LPIN1: variants seen among roughly 807,000 people sequenced by gnomAD.
LPIN1 encodes the protein phosphatidate phosphatase LPIN1.
LPIN1 carries 71 observed loss-of-function variants against 107.5 expected under a neutral mutation model. The ratio of observed to expected loss-of-function variants is 0.66; its 90% confidence interval spans 0.55 to 0.80. The LOEUF is 0.80. LPIN1 is among the 30% of genes least tolerant of loss of function. The probability of loss-of-function intolerance (pLI) is 0.00; values close to 1 mark genes in which losing one functional copy is unlikely to be tolerated. For missense variants in LPIN1, 1,043 were observed against 1,160.6 expected, an observed-to-expected ratio of 0.90 and a Z score of 1.47; for synonymous variants, 445 against 452.6, an observed-to-expected ratio of 0.98 and a Z score of 0.21.
chr2:11,798,399 C>G (rs1180486168), intron 14 of LPIN1, among the ~76,000 whole-genome samples: 1 of 152,192 alleles, frequency 6.6e-6, no homozygotes, highest in Admixed American at 6.5e-5. Context: ...TGCTCTTACT[C>G]TTACTCCTTC....
chr2:11,756,805 T>G (rs934109832), intron 1 of LPIN1, among the ~76,000 whole-genome samples: 3 of 152,250 alleles, frequency 2.0e-5, no homozygotes, highest in African/African-American at 7.2e-5. Flanking sequence ...TTCTTTGGTG[T>G]ATTATCTGTT....
chr2:11,775,017 C>T (rs959862519), intron 5 of LPIN1, among the ~76,000 whole-genome samples: 2 of 150,638 alleles, frequency 1.3e-5, no homozygotes, highest in African/African-American at 4.9e-5. Flanking sequence ...TTCATTTGAC[C>T]ACAGTATTTC....
intron 1 of LPIN1, chr2:11,682,441 G>C (rs1376116453): frequency 3.3e-5 from 5 of 152,916 alleles, no homozygotes; most frequent in African/African-American, 4.8e-5. Context: ...CTCCGGCACA[G>C]ACGCCGATCT....
intron 1 of LPIN1, among the ~76,000 whole-genome samples, chr2:11,724,984 C>T (rs968461778): frequency 8.5e-5 from 13 of 152,122 alleles, no homozygotes; most frequent in South Asian, 2.1e-4. Flanking sequence ...AATGCGTGGC[C>T]GGGCGCGGTG....
At chr2:11,678,647 G>T (rs1302411804) in intron 1 of LPIN1, among the ~76,000 whole-genome samples, 1 of 152,212 alleles carries the variant, frequency 6.6e-6, no homozygotes, top group Non-Finnish European at 1.5e-5. Context: ...ACTTCAGTCA[G>T]CTCCATCCTC....
rs369392717 is a variant in LPIN1, at chr2:11,820,461, C to T, written c.2568C>T (p.Thr856=). ...GAGTGTCTTTGAATAGAATATTTAC[C>T]GTCAACCCTAAAGGAGAGCTGGTAC... ...QVGVSLNRIF[T]VNPKGELVQE... is the part of the protein sequence containing the mutation. Residue 856 remains threonine (T), a synonymous_variant, in exon 20 of 21, where the codon ACC becomes ACT. Coordinates refer to ENST00000674199, the MANE Select transcript of LPIN1 (RefSeq NM_001349206.2). The T allele has an allele frequency of 5.3e-5, 86 of 1,613,356 alleles. No homozygotes were observed. Among genetic ancestry groups the T allele is most frequent in the East Asian group, 2.9e-4 (13 of 44,882 alleles).
intron 13 of LPIN1, among the ~76,000 whole-genome samples, chr2:11,794,905 A>G (rs1196158593): frequency 2.0e-5 from 3 of 152,240 alleles, no homozygotes; most frequent in African/African-American, 7.2e-5. Flanking sequence ...GGGCCCAGGC[A>G]TTCTCTTAGA....
At position 11,693,813 on chromosome 2, in the gene LPIN1, TATATA is replaced by T. The variant is rs1475505092; in HGVS notation, c.81+16086_81+16090del. Among the ~76,000 whole-genome samples the T allele has an allele frequency of 8.0e-3, 295 of 36,654 alleles. 2 individuals carry two copies. Among genetic ancestry groups the T allele is most frequent in the Non-Finnish European group, 0.015 (229 of 15,700 alleles). The allele number at this position is 36,654 out of a possible 152,430, so 24.0% of individuals were successfully genotyped here. On this transcript the variant is annotated intron_variant, in intron 1 of 21. Transcript: ENST00000449576. ...GTATATATATATATATATATATATA[TATATA>T]TATATTTTTTTTTTTTTTTTTTTTT...
At chr2:11,763,883 C>G (rs572074869) in intron 1 of LPIN1, among the ~76,000 whole-genome samples, 2 of 151,542 alleles carry the variant, frequency 1.3e-5, no homozygotes, top group Non-Finnish European at 2.9e-5. Flanking sequence ...AGCGCCAGCT[C>G]CTCTGATGCA....
At chr2:11,710,073 A>G (rs1459172941) in intron 1 of LPIN1, among the ~76,000 whole-genome samples, 1 of 152,124 alleles carries the variant, frequency 6.6e-6, no homozygotes, top group Non-Finnish European at 1.5e-5. Flanking sequence ...TTTCAAGTAC[A>G]TTTTCCATCT....
intron 18 of LPIN1, among the ~76,000 whole-genome samples, chr2:11,815,583 T>A (rs145355308): frequency 6.6e-6 from 1 of 152,076 alleles, no homozygotes; most frequent in Non-Finnish European, 1.5e-5. Flanking sequence ...TTCCGTCTTT[T>A]TGGGTCACTC....
intron 1 of LPIN1, among the ~76,000 whole-genome samples, chr2:11,695,348 C>A (rs1662517980): frequency 6.6e-6 from 1 of 152,190 alleles, no homozygotes; most frequent in Admixed American, 6.5e-5. Context: ...TGGTCGGCAG[C>A]TTCATTGAGT....
intron 1 of LPIN1, among the ~76,000 whole-genome samples, chr2:11,679,581 T>C (rs1661599187): frequency 6.6e-6 from 1 of 152,214 alleles, no homozygotes; most frequent in African/African-American, 2.4e-5. Context: ...TCCCCTTGTA[T>C]TCCATCGCTC....
At position 11,820,434 on chromosome 2, in the gene LPIN1, A is replaced by C. The variant is rs1209626786; in HGVS notation, c.2541A>C (p.Val847=). The change falls in exon 20 of 21, where the codon GTA becomes GTC. Residue 847 remains valine, a synonymous_variant. Coordinates refer to ENST00000674199, the MANE Select transcript of LPIN1 (RefSeq NM_001349206.2). ...AGGATGTGTATTCATACAAGCAAGT[A>C]GGAGTGTCTTTGAATAGAATATTTA... ...RPADVYSYKQ[V]GVSLNRIFTV... 6 of 1,612,202 alleles carry C rather than the reference A, an allele frequency of 3.7e-6. No homozygotes were observed. Among genetic ancestry groups the C allele is most frequent in the Non-Finnish European group, 4.2e-6 (5 of 1,178,234 alleles).
upstream of LPIN1, among the ~76,000 whole-genome samples, chr2:11,744,786 C>T (rs1666725121): frequency 6.6e-6 from 1 of 152,180 alleles, no homozygotes; most frequent in Non-Finnish European, 1.5e-5. Flanking sequence ...CCTTCTGGGG[C>T]CTTGCAACCT....
chr2:11,820,594 CT>C, intron 20 of LPIN1, 80 bp downstream of exon 20: 6 of 971,506 alleles, frequency 6.2e-6, no homozygotes, highest in South Asian at 1.3e-5. Flanking sequence ...TGCGGTGTAC[CT>C]TTTCCCCTTT....
intron 1 of LPIN1, among the ~76,000 whole-genome samples, chr2:11,739,082 G>T (rs1572488290): frequency 6.6e-6 from 1 of 152,284 alleles, no homozygotes; most frequent in African/African-American, 2.4e-5. Context: ...AAGTGACGAT[G>T]ATGGTTTGTG....
intron 14 of LPIN1, among the ~76,000 whole-genome samples, chr2:11,799,436 G>C (rs911325223): frequency 6.8e-6 from 1 of 146,066 alleles, no homozygotes; most frequent in Non-Finnish European, 1.5e-5. Flanking sequence ...CTGTAGCCTC[G>C]TTCTTCTTCT....
intron 1 of LPIN1, among the ~76,000 whole-genome samples, chr2:11,680,493 G>T (rs1010434571): frequency 5.3e-5 from 8 of 152,170 alleles, no homozygotes; most frequent in African/African-American, 1.7e-4. Context: ...AGGTGGAATG[G>T]GAATGGGTGG....
Sources: gnomAD v4.1 joint callset for allele counts (sites outside exome capture counted in the v4.1 genomes callset) on GRCh38, gnomAD v4.1.1 for gene constraint, MANE v1.5 for transcripts, NCBI Gene and HGNC (gene_info 2026-07-23, HGNC 2026-07-21) for gene names.